PCDHGA3: variants seen among roughly 807,000 people sequenced by gnomAD.
PCDHGA3 encodes the protein protocadherin gamma-A3.
In PCDHGA3, 40 loss-of-function variants were observed where a neutral mutation model predicts 58.5. That is an observed-to-expected ratio of 0.68 (90% confidence interval 0.53 to 0.89). PCDHGA3 has a LOEUF of 0.89. Among genes scored for constraint, PCDHGA3 ranks in the 40% least tolerant of loss-of-function variants. The pLI, the probability that PCDHGA3 is intolerant of heterozygous loss-of-function variation, is 0.00. For synonymous variants in PCDHGA3, 530 were observed against 525.7 expected (o/e 1.01, Z -0.11); for missense variants, 1,223 against 1,195.9 (o/e 1.02, Z -0.33).
At chr5:141,350,766 T>C in intron 1 of PCDHGA3, 1 of 1,613,904 alleles carries the variant, frequency 6.2e-7, no homozygotes, top group Non-Finnish European at 8.5e-7. Context: ...TTATACACCA[T>C]CAACCCCAAT....
rs759191157 is a variant in PCDHGA3, at chr5:141,485,768, C to T, written c.2425-9039C>T. Reference sequence around the variant, plus strand: ...GGTCCCAGAGCTGCTCCTGGAGAAGCCTTTGGATCGAGAGAAGCAATCGGA... The same window carrying T: ...GGTCCCAGAGCTGCTCCTGGAGAAGTCTTTGGATCGAGAGAAGCAATCGGA... On this transcript the variant is annotated intron_variant, in intron 1 of 3. Transcript: ENST00000253812. This position sits in a 1 kb window ranked among gnomAD's most constrained non-coding sequence, Gnocchi z 5.7. The T allele has an allele frequency of 5.6e-6, 9 of 1,614,074 alleles. No individual in the cohort carries two copies. The highest frequency in any genetic ancestry group is 1.7e-5 in the Admixed American group (1 of 60,000).
In PCDHGA3 at chr5:141,383,002, G is replaced by A. The variant is rs376825891; in HGVS notation, c.2424+36545G>A. 8 of 1,613,766 alleles carry A rather than the reference G, an allele frequency of 5.0e-6. No individual in the cohort carries two copies. Among genetic ancestry groups the A allele is most frequent in the East Asian group, 2.2e-5 (1 of 44,884 alleles). On this transcript the variant is annotated intron_variant, in intron 1 of 3. Transcript: ENST00000253812. ...CTGGGCAGGACGTATTCTCTACTCC[G>A]TGTCGGAGGAGACGGACAAAGGGTC...
chr5:141,383,226 G>A (rs771882574), intron 1 of PCDHGA3: 1 of 1,613,936 alleles, frequency 6.2e-7, no homozygotes, highest in Non-Finnish European at 8.5e-7. Flanking sequence ...TTAACATCCT[G>A]ATGGAAGATA....
chr5:141,362,655 T>A, intron 1 of PCDHGA3: 1 of 1,397,228 alleles, frequency 7.2e-7, no homozygotes, highest in Non-Finnish European at 9.5e-7. Context: ...GAGTTAGATT[T>A]GGCCAATGTT....
rs768990626 is a variant in PCDHGA3, at chr5:141,427,590, C to T, written c.2425-67217C>T. On this transcript the variant is annotated intron_variant, in intron 1 of 3. Coordinates refer to ENST00000253812, the MANE Select transcript of PCDHGA3 (RefSeq NM_018916.4). ...GCCTCCGCTCTCATCCAGCACAAGCCTCACCCTACGCATTGGTGAAGTCAA... is the reference window on the plus strand; with the variant it reads ...GCCTCCGCTCTCATCCAGCACAAGCTTCACCCTACGCATTGGTGAAGTCAA... 44 of 678,892 alleles carry T rather than the reference C, an allele frequency of 6.5e-5. No individual in the cohort carries two copies. In the Admixed American group the frequency reaches 8.5e-4, roughly 13 times the overall value. The allele number at this position is 678,892 out of a possible 1,614,324, so 42.1% of individuals were successfully genotyped here.
intron 1 of PCDHGA3, chr5:141,399,649 G>T: frequency 1.2e-6 from 2 of 1,613,794 alleles, no homozygotes; most frequent in African/African-American, 1.3e-5. Flanking sequence ...CGCGCAAAGT[G>T]GGGTGGTGTT....
At chr5:141,492,727 G>A (rs2099743408) in intron 1 of PCDHGA3, among the ~76,000 whole-genome samples, 1 of 152,274 alleles carries the variant, frequency 6.6e-6, no homozygotes, top group South Asian at 2.1e-4. Flanking sequence ...GACAGGCAGA[G>A]CTGCCCAGTG....
chr5:141,371,949 G>A lies in PCDHGA3; in HGVS notation c.2424+25492G>A, dbSNP rs376332279. ...GAGCGGGGTGGTGTTCGCGCAGCGA[G>A]CCTTCGACCACGAGCAGCTGCGTGC... is the stretch of plus-strand genomic sequence containing the variant. On this transcript the variant is annotated intron_variant, in intron 1 of 3. Coordinates refer to ENST00000253812, the MANE Select transcript of PCDHGA3 (RefSeq NM_018916.4). 4.6e-5 allele frequency: 74 copies of A among 1,613,184 alleles called. No homozygotes were observed. The African/African-American group carries it at 9.1e-4, about 20-fold the overall frequency.
In PCDHGA3 at chr5:141,490,912, AATG is replaced by A; in HGVS notation, c.2425-3892_2425-3890del. 6.2e-7 allele frequency: 1 copy of A among 1,613,644 alleles called. No homozygotes were observed. Among genetic ancestry groups the A allele is most frequent in the Non-Finnish European group, 8.5e-7 (1 of 1,179,684 alleles). On this transcript the variant is annotated intron_variant, in intron 1 of 3. Transcript: ENST00000253812. This position sits in a 1 kb window ranked among gnomAD's most constrained non-coding sequence, Gnocchi z 5.4. ...TCTGCATGTGTTTGTCCTAGACGAG[AATG>A]ATAATGCCCCAGCTGTGCTGCACCC...
In PCDHGA3 at chr5:141,352,708, G is replaced by A. The variant is rs193159920; in HGVS notation, c.2424+6251G>A. The A allele has an allele frequency of 1.0e-4, 157 of 1,543,660 alleles. No individual in the cohort carries two copies. The African/African-American group carries it at 1.9e-3, about 19-fold the overall frequency. On this transcript the variant is annotated intron_variant, in intron 1 of 3. Transcript: ENST00000253812. The stretch of plus-strand genomic sequence containing the variant: ...AATCTAGTTAAATTTTATATATGGC[G>A]GCCGGGCGCGGTGGCTCAAGCCTGT...
Position 141,491,756 on chromosome 5 carries a change from C to T in PCDHGA3, c.2425-3051C>T. The T allele has an allele frequency of 1.3e-6, 2 of 1,581,720 alleles. No individual in the cohort carries two copies. Among genetic ancestry groups the T allele is most frequent in the Non-Finnish European group, 8.6e-7 (1 of 1,165,100 alleles). ...CCTGGGGGCGGCACTGGAGAAGCCG[C>T]CCGTCCTCATAAGGGATTGAACTTG... On this transcript the variant is annotated intron_variant, in intron 1 of 3. Coordinates refer to ENST00000253812, the MANE Select transcript of PCDHGA3 (RefSeq NM_018916.4). This position sits in a 1 kb window ranked among gnomAD's most constrained non-coding sequence, Gnocchi z 6.9.
At chr5:141,405,179 G>A (rs2094620573) in intron 1 of PCDHGA3, 1 of 1,614,028 alleles carries the variant, frequency 6.2e-7, no homozygotes, top group South Asian at 1.1e-5. Context: ...CTTTGTGGGT[G>A]TAGATGGGGT....
chr5:141,491,513 A>C lies in PCDHGA3; in HGVS notation c.2425-3294A>C, dbSNP rs1163218369. On this transcript the variant is annotated intron_variant, in intron 1 of 3. Coordinates refer to ENST00000253812, the MANE Select transcript of PCDHGA3 (RefSeq NM_018916.4). The surrounding 1 kb of genome is among the most constrained non-coding windows in gnomAD (Gnocchi z 6.9). ...CAGGTGAGCTCGGACGGCACGCTCAAGTACATGGAGGTGACGCTGCGGCCC... is the reference window on the plus strand; with the variant it reads ...CAGGTGAGCTCGGACGGCACGCTCACGTACATGGAGGTGACGCTGCGGCCC... The C allele has an allele frequency of 6.2e-7, 1 of 1,613,934 alleles. No individual in the cohort carries two copies. Among genetic ancestry groups the C allele is most frequent in the East Asian group, 2.2e-5 (1 of 44,888 alleles).
intron 1 of PCDHGA3, among the ~76,000 whole-genome samples, chr5:141,380,119 C>G (rs1776230569): frequency 6.6e-6 from 1 of 151,916 alleles, no homozygotes; most frequent in Non-Finnish European, 1.5e-5. Flanking sequence ...AGGCTGGTCT[C>G]AAACTCCTGA....
At chr5:141,482,572 T>C (rs1367788391) in intron 1 of PCDHGA3, among the ~76,000 whole-genome samples, 1 of 137,636 alleles carries the variant, frequency 7.3e-6, no homozygotes, top group Admixed American at 7.3e-5. Context: ...CTGCATAGCA[T>C]AAGATGCAGT....
chr5:141,400,454 T>C (rs779993462), intron 1 of PCDHGA3: 1 of 1,614,096 alleles, frequency 6.2e-7, no homozygotes, highest in Non-Finnish European at 8.5e-7. Flanking sequence ...CAAGACATAC[T>C]TTGTGGTGAT....
chr5:141,351,592 T>G, intron 1 of PCDHGA3: 3 of 1,613,928 alleles, frequency 1.9e-6, no homozygotes, highest in Non-Finnish European at 1.7e-6. Context: ...TCAACGACAA[T>G]GCACCTGTTT....
At chr5:141,510,695 C>T (rs1023505006) in intron 3 of PCDHGA3, among the ~76,000 whole-genome samples, 1 of 152,166 alleles carries the variant, frequency 6.6e-6, no homozygotes, top group Non-Finnish European at 1.5e-5. Context: ...GTTAGGTAGA[C>T]TTGCCCAGGA....
chr5:141,395,077 A>G (rs2093162583), intron 1 of PCDHGA3: 3 of 1,614,024 alleles, frequency 1.9e-6, no homozygotes, highest in Non-Finnish European at 2.5e-6. Flanking sequence ...ACCTATTCCC[A>G]GGAAGTCTCC....
Sources: allele counts gnomAD v4.1 joint callset (sites outside exome capture counted in the v4.1 genomes callset), GRCh38; gene constraint gnomAD v4.1.1; non-coding constraint Gnocchi (gnomAD v3.1); transcripts MANE v1.5; gene names NCBI Gene and HGNC (gene_info 2026-07-23, HGNC 2026-07-21).